NT5C1A: variants seen among roughly 807,000 people sequenced by gnomAD.
NT5C1A encodes 5'-nucleotidase, cytosolic IA.
NT5C1A carries 18 observed loss-of-function variants against 31.0 expected under a neutral mutation model. That is an observed-to-expected ratio of 0.58 (90% confidence interval 0.40 to 0.86). The LOEUF (loss-of-function observed/expected upper bound fraction) is 0.86, where lower values mean the gene tolerates loss of function less well. Among genes scored for constraint, NT5C1A ranks in the 40% least tolerant of loss-of-function variants. The probability of loss-of-function intolerance (pLI) is 0.00; values close to 1 mark genes in which losing one functional copy is unlikely to be tolerated. For missense variants in NT5C1A, 470 were observed against 505.4 expected, an observed-to-expected ratio of 0.93 and a Z score of 0.67; for synonymous variants, 185 against 203.6, an observed-to-expected ratio of 0.91 and a Z score of 0.78.
chr1:39,664,490 C>CCT (rs1553485417), intron 3 of NT5C1A, among the ~76,000 whole-genome samples: 268 of 2,898 alleles, frequency 0.092, 16 homozygotes, highest in Middle Eastern at 0.43. Context: ...GTGGATTTCT[C>CCT]CTCCTCTCCT....
chr1:39,661,325 A>C (rs749427212), intron 4 of NT5C1A, 62 bp from the exon 5 acceptor site: 16 of 832,524 alleles, frequency 1.9e-5, no homozygotes, highest in Non-Finnish European at 3.2e-5. Flanking sequence ...AGAGTGGGCT[A>C]TCTTAGGCTA....
At chr1:39,663,276 G>T (rs1297917314) in intron 4 of NT5C1A, 36 bp downstream of exon 4, 1 of 1,613,312 alleles carries the variant, frequency 6.2e-7, no homozygotes. Context: ...CCCCTTTGCT[G>T]CACTCCCCAT....
chr1:39,659,624 C>G (rs960804384), intron 5 of NT5C1A, 138 bp from the exon 6 acceptor site: 1 of 1,073,102 alleles, frequency 9.3e-7, no homozygotes, highest in African/African-American at 1.6e-5. Flanking sequence ...TCTGCTTATG[C>G]CTGCTTAGGC....
chr1:39,671,230 C>CCACCA (rs1313317140), intron 1 of NT5C1A, among the ~76,000 whole-genome samples: 3 of 152,126 alleles, frequency 2.0e-5, no homozygotes, highest in Non-Finnish European at 4.4e-5. Flanking sequence ...CTGTGAGGTC[C>CCACCA]CAGACGGTTG....
chr1:39,656,688 G>A lies in NT5C1A; in HGVS notation c.*2433C>T, dbSNP rs943500727. On this transcript the variant is annotated 3_prime_UTR_variant, in exon 6 of 6. Transcript: ENST00000235628. ...AGTTTTTCTTAATTAGGTGACATCT[G>A]GTGCCGTCCCCAGTGCACAGGTCCA... Among the ~76,000 whole-genome samples, 1 of 152,248 alleles carries A rather than the reference G, an allele frequency of 6.6e-6. No individual in the cohort carries two copies. Among genetic ancestry groups the A allele is most frequent in the Non-Finnish European group, 1.5e-5 (1 of 68,048 alleles).
intron 1 of NT5C1A, among the ~76,000 whole-genome samples, chr1:39,668,900 T>C (rs897693153): frequency 2.0e-5 from 3 of 152,208 alleles, no homozygotes; most frequent in African/African-American, 7.2e-5. Flanking sequence ...GTAAGAAATA[T>C]GGATCCCAGC....
rs1351435019 is a variant in NT5C1A, at chr1:39,659,296, C to T, written c.932G>A (p.Gly311Glu). The stretch of plus-strand genomic sequence containing the variant: ...CTCAAGGAGAGGGCCCTTGGGCGCT[C>T]CAGCAAGGAACAAGGCTTCATCTGT... ...LETDEALFLAGAPKGPLLEKI... is the reference protein window; with the variant it reads ...LETDEALFLAEAPKGPLLEKI... Residue 311 changes from glycine to glutamate, a missense_variant, in exon 6 of 6, where the codon GGA becomes GAA. Transcript: ENST00000235628. The T allele has an allele frequency of 6.2e-7, 1 of 1,614,072 alleles. No homozygotes were observed.
chr1:39,653,282 G>T lies in NT5C1A; in HGVS notation c.*5839C>A, dbSNP rs1372674028. Among the ~76,000 whole-genome samples, 2 of 152,016 alleles carry T rather than the reference G, an allele frequency of 1.3e-5. No individual in the cohort carries two copies. The highest frequency in any genetic ancestry group is 6.5e-5 in the Admixed American group (1 of 15,276). On this transcript the variant is annotated 3_prime_UTR_variant, in exon 6 of 6. Coordinates refer to ENST00000235628, the MANE Select transcript of NT5C1A (RefSeq NM_032526.3). ...GCACATACGCAAATGCCCATGTTAT[G>T]ATGGAAATGGGTACAACTATCCTAG...
At position 39,666,205 on chromosome 1, in the gene NT5C1A, A is replaced by G. The variant is rs747211253; in HGVS notation, c.167T>C (p.Val56Ala). 1 of 1,613,576 alleles carries G rather than the reference A, an allele frequency of 6.2e-7. No homozygotes were observed. The highest frequency in any genetic ancestry group is 1.1e-5 in the South Asian group (1 of 91,074). ...CATGCGAAACAAGGCTCGGGAGGAC[A>G]CAGCGATGGTGACTGCATTCTGAGG... is the stretch of plus-strand genomic sequence containing the variant. ...PKPQNAVTIA[V>A]SSRALFRMDE... Residue 56 changes from valine (V) to alanine (A), a missense_variant, in exon 2 of 6, where the codon GTG becomes GCG. Coordinates refer to ENST00000235628, the MANE Select transcript of NT5C1A (RefSeq NM_032526.3).
intron 3 of NT5C1A, 69 bp from the exon 4 acceptor site, chr1:39,663,503 C>A: frequency 6.5e-7 from 1 of 1,531,768 alleles, no homozygotes; most frequent in Non-Finnish European, 9.0e-7. Flanking sequence ...TCTCTCTGTG[C>A]CCAGTGCACA....
chr1:39,670,455 C>T (rs1258922664), intron 1 of NT5C1A, among the ~76,000 whole-genome samples: 1 of 152,196 alleles, frequency 6.6e-6, no homozygotes, highest in Non-Finnish European at 1.5e-5. Flanking sequence ...CTAAAATGTC[C>T]ACCTAATACA....
At chr1:39,665,829 G>A (rs1272558169) in intron 2 of NT5C1A, among the ~76,000 whole-genome samples, 179 bp from the exon 3 acceptor site, 1 of 152,154 alleles carries the variant, frequency 6.6e-6, no homozygotes, top group South Asian at 2.1e-4. Context: ...AGAGAGAGTC[G>A]GGGCTGAAAT....
chr1:39,660,988 T>G, intron 5 of NT5C1A, 91 bp downstream of exon 5: 6 of 689,890 alleles, frequency 8.7e-6, no homozygotes, highest in South Asian at 2.2e-5. Flanking sequence ...GAGCCTGGGG[T>G]TTGTTTGCTT....
chr1:39,667,551 C>T (rs1332869779), intron 1 of NT5C1A, among the ~76,000 whole-genome samples: 2 of 152,172 alleles, frequency 1.3e-5, no homozygotes, highest in Non-Finnish European at 2.9e-5. Context: ...TGCATTCTTG[C>T]CTCTCCTGAT....
At position 39,659,376 on chromosome 1, in the gene NT5C1A, A is replaced by G; in HGVS notation, c.852T>C (p.Ser284=). ...PIRTYLVTAR[S]AASSGARALK... ...GAGCCCGGGCCCCGGAACTGGCTGCACTGCGTGCTGTCACCAAGTAGGTAC... is the reference window on the plus strand; with the variant it reads ...GAGCCCGGGCCCCGGAACTGGCTGCGCTGCGTGCTGTCACCAAGTAGGTAC... The change falls in exon 6 of 6, where the codon AGT becomes AGC. Residue 284 remains serine, a synonymous_variant. Transcript: ENST00000235628. The G allele has an allele frequency of 2.5e-6, 4 of 1,613,746 alleles. No homozygotes were observed. The highest frequency in any genetic ancestry group is 3.4e-6 in the Non-Finnish European group (4 of 1,180,014).
At chr1:39,659,578 T>A in intron 5 of NT5C1A, 92 bp from the exon 6 acceptor site, 1 of 1,469,378 alleles carries the variant, frequency 6.8e-7, no homozygotes, top group Non-Finnish European at 9.1e-7. Flanking sequence ...TTGTTTGGTG[T>A]GGAAAACTTC....
rs189786655 is a variant in NT5C1A, at chr1:39,655,578, G to A, written c.*3543C>T. ...CTATCTCCATGCATATGTATGAGCA[G>A]TATGACAAAATGGTTGAAAACCTGG... On this transcript the variant is annotated 3_prime_UTR_variant, in exon 6 of 6. Transcript: ENST00000235628. Among the ~76,000 whole-genome samples, 4 of 152,314 alleles carry A rather than the reference G, an allele frequency of 2.6e-5. No homozygotes were observed. Among genetic ancestry groups the A allele is most frequent in the Admixed American group, 2.0e-4 (3 of 15,294 alleles).
Position 39,652,668 on chromosome 1 carries a change from G to C in NT5C1A, c.*6453C>G, listed in dbSNP as rs1052954613. Among the ~76,000 whole-genome samples, 31 of 152,062 alleles carry C rather than the reference G, an allele frequency of 2.0e-4. No homozygotes were observed. Among genetic ancestry groups the C allele is most frequent in the African/African-American group, 7.2e-4 (30 of 41,386 alleles). ...ACAGGCCAGGAGTGTGGGAGTCAGT[G>C]ACCCCAGTCTTCACAGCTTTGGTTT... On this transcript the variant is annotated 3_prime_UTR_variant, in exon 6 of 6. Coordinates refer to ENST00000235628, the MANE Select transcript of NT5C1A (RefSeq NM_032526.3).
chr1:39,656,354 C>T lies in NT5C1A; in HGVS notation c.*2767G>A, dbSNP rs1042472266. ...TCACCTCTAAGACAATCAGAAGGCCCGTGTAACTGCTGCCTAAGACTGCCC... is the reference window on the plus strand; with the variant it reads ...TCACCTCTAAGACAATCAGAAGGCCTGTGTAACTGCTGCCTAAGACTGCCC... On this transcript the variant is annotated 3_prime_UTR_variant, in exon 6 of 6. Transcript: ENST00000235628. 1.1e-4 allele frequency among the ~76,000 whole-genome samples: 16 copies of T among 152,198 alleles called. No homozygotes were observed. Among genetic ancestry groups the T allele is most frequent in the African/African-American group, 3.6e-4 (15 of 41,456 alleles).
Sources: gnomAD v4.1 joint callset for allele counts (sites outside exome capture counted in the v4.1 genomes callset) on GRCh38, gnomAD v4.1.1 for gene constraint, MANE v1.5 for transcripts, NCBI Gene and HGNC (gene_info 2026-07-23, HGNC 2026-07-21) for gene names.